RBFOX1: variants seen among roughly 807,000 people sequenced by gnomAD.
RBFOX1 encodes the protein RNA binding fox-1 homolog 1.
In RBFOX1, 8 loss-of-function variants were observed where a neutral mutation model predicts 57.7. The ratio of observed to expected loss-of-function variants is 0.14; its 90% CI spans 0.08 to 0.25. The LOEUF (loss-of-function observed/expected upper bound fraction) is 0.25, where lower values mean the gene tolerates loss of function less well. RBFOX1 is among the 10% of genes least tolerant of loss of function. The pLI is 1.00. For synonymous variants in RBFOX1, 326 were observed against 222.4 expected, an observed-to-expected ratio of 1.47 and a Z score of -4.15; for missense variants, 611 against 548.5, an observed-to-expected ratio of 1.11 and a Z score of -1.14.
intron 3 of RBFOX1, among the ~76,000 whole-genome samples, chr16:6,747,513 T>C (rs994979482): frequency 5.3e-5 from 8 of 152,196 alleles, no homozygotes; most frequent in Admixed American, 5.2e-4. Flanking sequence ...GTTTACTTGT[T>C]GTCACCTGGG....
At chr16:7,705,434 G>C (rs1236159726) in intron 14 of RBFOX1, among the ~76,000 whole-genome samples, 1 of 152,120 alleles carries the variant, frequency 6.6e-6, no homozygotes, top group Non-Finnish European at 1.5e-5. Context: ...GAACTTGAGG[G>C]ACGGAGCTTG....
intron 2 of RBFOX1, among the ~76,000 whole-genome samples, chr16:6,648,173 G>T (rs902308712): frequency 6.6e-6 from 1 of 151,892 alleles, no homozygotes; most frequent in Non-Finnish European, 1.5e-5. Flanking sequence ...AGCTTCCCAA[G>T]AAGCTGGGAC....
chr16:7,464,803 T>A (rs1210463592), intron 4 of RBFOX1, among the ~76,000 whole-genome samples: 1 of 148,906 alleles, frequency 6.7e-6, no homozygotes, highest in Non-Finnish European at 1.5e-5. Context: ...TTCACGCCAT[T>A]CTCCTGCCTC....
chr16:6,877,923 C>T (rs921650559), intron 3 of RBFOX1, among the ~76,000 whole-genome samples: 5 of 152,050 alleles, frequency 3.3e-5, no homozygotes, highest in Admixed American at 6.6e-5. Flanking sequence ...ATGGTAGTTG[C>T]AAAACATACA....
At chr16:5,505,497 T>C (rs1170619901) in intron 2 of RBFOX1, among the ~76,000 whole-genome samples, 7 of 152,144 alleles carry the variant, frequency 4.6e-5, no homozygotes, top group South Asian at 2.1e-4. Context: ...GGGTGCCCTA[T>C]GTGGGTGGGC....
intron 4 of RBFOX1, among the ~76,000 whole-genome samples, chr16:7,485,794 G>C (rs1179568178): frequency 2.0e-5 from 3 of 152,090 alleles, no homozygotes; most frequent in Admixed American, 6.5e-5. Context: ...ACTATCTTCT[G>C]TGGCTCTCCG....
Position 6,655,373 on chromosome 16 carries a change from C to CAAAAAAAAAAAAAAAAAAAAAAA in RBFOX1, c.-16+731_-16+753dup, listed in dbSNP as rs71406388. Among the ~76,000 whole-genome samples, 9 of 33,738 alleles carry CAAAAAAAAAAAAAAAAAAAAAAA rather than the reference C, an allele frequency of 2.7e-4. 2 individuals are homozygous for CAAAAAAAAAAAAAAAAAAAAAAA. The highest frequency in any genetic ancestry group is 7.5e-4 in the African/African-American group (6 of 7,994). 22.1% of individuals were successfully genotyped at this position (33,738 alleles called of 152,430 possible). A position where few individuals can be genotyped will look rare whatever the true frequency, so the allele number is the denominator to read the frequency against. On this transcript the variant is annotated intron_variant, in intron 3 of 15. Transcript: ENST00000550418. ...TGAGTGACAAAATAAGCCTCCGTTT[C>CAAAAAAAAAAAAAAAAAAAAAAA]AAAAAAAAAAAAAAAAAAAAAAAAA...
At chr16:5,931,354 A>G (rs185131904) in intron 4 of RBFOX1, among the ~76,000 whole-genome samples, 1 of 152,310 alleles carries the variant, frequency 6.6e-6, no homozygotes, top group African/African-American at 2.4e-5. Flanking sequence ...TGAATTAACA[A>G]AATAACATCA....
chr16:6,145,511 C>T (rs1025426053), intron 1 of RBFOX1, among the ~76,000 whole-genome samples: 4 of 142,242 alleles, frequency 2.8e-5, no homozygotes, highest in African/African-American at 1.2e-4. Flanking sequence ...GTGCGTGTGT[C>T]TTTGTATTAT....
intron 4 of RBFOX1, among the ~76,000 whole-genome samples, chr16:7,278,822 C>T (rs2095488966): frequency 6.6e-6 from 1 of 152,134 alleles, no homozygotes; most frequent in Admixed American, 6.6e-5. Context: ...TTAAAGCTGC[C>T]AATGAATTAT....
chr16:6,070,980 C>T (rs1002163757), intron 1 of RBFOX1, among the ~76,000 whole-genome samples: 4 of 152,118 alleles, frequency 2.6e-5, no homozygotes, highest in Non-Finnish European at 5.9e-5. Context: ...TGAGCATTTT[C>T]TATACCCTAG....
At chr16:6,353,400 T>G (rs1253220773) in intron 2 of RBFOX1, among the ~76,000 whole-genome samples, 1 of 151,894 alleles carries the variant, frequency 6.6e-6, no homozygotes, top group Non-Finnish European at 1.5e-5. Context: ...AGATACCTAT[T>G]TTTTAACTTC....
At chr16:6,615,223 C>T (rs529869781) in intron 2 of RBFOX1, among the ~76,000 whole-genome samples, 1 of 152,172 alleles carries the variant, frequency 6.6e-6, no homozygotes, top group Non-Finnish European at 1.5e-5. Flanking sequence ...ACTTCTTATA[C>T]AGAGAACTTC....
chr16:6,344,381 C>A (rs1030975353), intron 2 of RBFOX1, among the ~76,000 whole-genome samples: 1 of 130,982 alleles, frequency 7.6e-6, no homozygotes, highest in African/African-American at 3.4e-5. Flanking sequence ...ATCTTTCCTT[C>A]TCTCTTCTTC....
intron 2 of RBFOX1, among the ~76,000 whole-genome samples, chr16:6,418,699 T>C (rs2093693762): frequency 6.6e-6 from 1 of 151,892 alleles, no homozygotes; most frequent in Admixed American, 6.6e-5. Flanking sequence ...ATTTAAGAAG[T>C]AAAATTTTTA....
rs1301669982 is a variant in RBFOX1 at position 6,097,367 on chromosome 16, C to T, written c.-127+77375C>T. Among the ~76,000 whole-genome samples, 4 of 152,144 alleles carry T rather than the reference C, an allele frequency of 2.6e-5. No individual in the cohort carries two copies. The highest frequency in any genetic ancestry group is 5.9e-5 in the Non-Finnish European group (4 of 68,036). On this transcript the variant is annotated intron_variant, in intron 1 of 15. Transcript: ENST00000550418. This position sits in a 1 kb window ranked among gnomAD's most constrained non-coding sequence, Gnocchi z 5.0. ...GTGGATATTAAAATTTTGCAAGCCG[C>T]CACTCTAGAGAAGTACCACTCAAAC...
chr16:7,488,443 T>TTC (rs56360411), intron 4 of RBFOX1, among the ~76,000 whole-genome samples: 140,011 of 152,114 alleles, frequency 0.92, 65,481 homozygotes, highest in East Asian at 1. Flanking sequence ...CATTCTTTCG[T>TTC]TGTTTGTCTA....
intron 4 of RBFOX1, among the ~76,000 whole-genome samples, chr16:7,303,472 G>A (rs931521531): frequency 6.6e-6 from 1 of 152,246 alleles, no homozygotes; most frequent in Non-Finnish European, 1.5e-5. Context: ...TGTCCAGCTC[G>A]CCTGATGCCG....
At chr16:7,123,055 G>T (rs1032833184) in intron 4 of RBFOX1, among the ~76,000 whole-genome samples, 1 of 152,074 alleles carries the variant, frequency 6.6e-6, no homozygotes, top group Non-Finnish European at 1.5e-5. Flanking sequence ...GTTGGGGGGA[G>T]GGTAGTTGCA....
Sources: allele counts gnomAD v4.1 joint callset (sites outside exome capture counted in the v4.1 genomes callset), GRCh38; gene constraint gnomAD v4.1.1; non-coding constraint Gnocchi (gnomAD v3.1); transcripts MANE v1.5; gene names NCBI Gene and HGNC (gene_info 2026-07-23, HGNC 2026-07-21).